EXOC2: variants seen among roughly 807,000 people sequenced by gnomAD.
EXOC2 encodes the protein exocyst complex component 2, also known as SEC5-like 1.
A neutral mutation model predicts 131.8 loss-of-function variants in EXOC2; 70 were observed. The ratio of observed to expected loss-of-function variants is 0.53; its 90% CI spans 0.44 to 0.65. The LOEUF is 0.65. Ranked by LOEUF, EXOC2 falls within the 30% of genes least tolerant of loss-of-function variation. The pLI is 0.00. For missense variants in EXOC2, 923 were observed against 1,108.6 expected (o/e 0.83, Z 2.38); for synonymous variants, 411 against 398.4 (o/e 1.03, Z -0.38).
intron 20 of EXOC2, among the ~76,000 whole-genome samples, chr6:554,185 GCGCC>G (rs1245680254): frequency 6.6e-6 from 1 of 152,024 alleles, no homozygotes. Context: ...GGGATTACAG[GCGCC>G]CGCCACCATG....
At chr6:620,908 G>T (rs1274443084) in intron 4 of EXOC2, among the ~76,000 whole-genome samples, 1 of 152,150 alleles carries the variant, frequency 6.6e-6, no homozygotes, top group East Asian at 1.9e-4. Context: ...TGTGCTCTCT[G>T]CCTGCCAGGT....
At chr6:493,871 A>C (rs1763573836) in intron 25 of EXOC2, among the ~76,000 whole-genome samples, 1 of 152,152 alleles carries the variant, frequency 6.6e-6, no homozygotes, top group South Asian at 2.1e-4. Context: ...ACGTGAAAAA[A>C]TTTTCCAGCT....
intron 1 of EXOC2, among the ~76,000 whole-genome samples, chr6:652,527 T>G (rs1402943975): frequency 6.6e-6 from 1 of 152,250 alleles, no homozygotes; most frequent in Non-Finnish European, 1.5e-5. Flanking sequence ...CTTATCTTAC[T>G]GCATAAGCCA....
chr6:662,538 C>T (rs1581652337), intron 1 of EXOC2, among the ~76,000 whole-genome samples: 2 of 152,292 alleles, frequency 1.3e-5, no homozygotes, highest in East Asian at 1.9e-4. Context: ...AATTAAATAA[C>T]CTGCTCCCAA....
Position 551,724 on chromosome 6 carries a change from C to T in EXOC2, c.2121+2130G>A, listed in dbSNP as rs149553163. 1.2e-4 allele frequency among the ~76,000 whole-genome samples: 19 copies of T among 152,354 alleles called. No homozygotes were observed. In the East Asian group the frequency reaches 3.7e-3, roughly 29 times the overall value. On this transcript the variant is annotated intron_variant, in intron 21 of 27. Transcript: ENST00000230449. ...GCAGCCCTGTCTCCACAGGACTCCC[C>T]TAGCCTGCCGCATTTCCATGCTCCA...
At chr6:653,033 T>C (rs1762902639) in intron 1 of EXOC2, among the ~76,000 whole-genome samples, 1 of 152,224 alleles carries the variant, frequency 6.6e-6, no homozygotes, top group African/African-American at 2.4e-5. Context: ...GATGATACTA[T>C]TGTAACTGTT....
intron 3 of EXOC2, among the ~76,000 whole-genome samples, chr6:632,265 G>A (rs1014246355): frequency 6.6e-6 from 1 of 152,182 alleles, no homozygotes; most frequent in Non-Finnish European, 1.5e-5. Flanking sequence ...TTTTGCTCAT[G>A]GATAAAGAAG....
chr6:611,052 C>A (rs747445184), intron 6 of EXOC2, among the ~76,000 whole-genome samples: 46 of 152,316 alleles, frequency 3.0e-4, no homozygotes, highest in Non-Finnish European at 5.9e-4. Flanking sequence ...AAAGCTGAAA[C>A]TGGGGTTCAA....
At chr6:550,219 C>A (rs1757072717) in intron 21 of EXOC2, among the ~76,000 whole-genome samples, 1 of 152,226 alleles carries the variant, frequency 6.6e-6, no homozygotes, top group African/African-American at 2.4e-5. Context: ...ACATACTCTG[C>A]ATGCTCTTTC....
intron 23 of EXOC2, among the ~76,000 whole-genome samples, chr6:510,424 C>G (rs757817414): frequency 1.3e-5 from 2 of 151,880 alleles, no homozygotes; most frequent in Admixed American, 1.3e-4. Flanking sequence ...TATTGATCAG[C>G]GTGATCAATC....
At chr6:660,487 G>C (rs985655581) in intron 1 of EXOC2, among the ~76,000 whole-genome samples, 1 of 152,192 alleles carries the variant, frequency 6.6e-6, no homozygotes, top group Non-Finnish European at 1.5e-5. Context: ...ACTCTGTGCA[G>C]GCAACCCCCA....
intron 27 of EXOC2, among the ~76,000 whole-genome samples, chr6:487,579 G>A (rs920518632): frequency 3.9e-5 from 6 of 152,000 alleles, no homozygotes; most frequent in Non-Finnish European, 2.9e-5. Flanking sequence ...GCTAATTTTT[G>A]TATTTTTAGT....
At chr6:538,186 A>C (rs1766580321) in intron 22 of EXOC2, among the ~76,000 whole-genome samples, 1 of 152,240 alleles carries the variant, frequency 6.6e-6, no homozygotes, top group African/African-American at 2.4e-5. Flanking sequence ...CAATGTCAGG[A>C]GTACACAGCT....
At chr6:602,965 AG>A (rs1466431696) in intron 7 of EXOC2, among the ~76,000 whole-genome samples, 1 of 152,218 alleles carries the variant, frequency 6.6e-6, no homozygotes, top group African/African-American at 2.4e-5. Flanking sequence ...CCAGTCATCT[AG>A]AAAACCTAGT....
At chr6:575,267 G>A (rs1327317151) in intron 12 of EXOC2, among the ~76,000 whole-genome samples, 2 of 152,198 alleles carry the variant, frequency 1.3e-5, no homozygotes, top group African/African-American at 4.8e-5. Context: ...TAGGATTAGA[G>A]ACGAGTTGTT....
At chr6:571,086 A>G (rs906562133) in intron 13 of EXOC2, among the ~76,000 whole-genome samples, 1 of 152,244 alleles carries the variant, frequency 6.6e-6, no homozygotes, top group South Asian at 2.1e-4. Context: ...TCACTTCCTA[A>G]GCCAGCAATA....
At chr6:683,631 G>A (rs1485950278) in intron 1 of EXOC2, among the ~76,000 whole-genome samples, 2 of 152,322 alleles carry the variant, frequency 1.3e-5, no homozygotes, top group Non-Finnish European at 1.5e-5. Context: ...ACAGGATGTC[G>A]CTAACTCCCA....
chr6:562,248 A>C (rs1429262520), intron 17 of EXOC2, among the ~76,000 whole-genome samples: 2 of 152,224 alleles, frequency 1.3e-5, no homozygotes, highest in Admixed American at 1.3e-4. Context: ...ACAGCCACCC[A>C]CAGGACCGCG....
intron 11 of EXOC2, among the ~76,000 whole-genome samples, chr6:588,247 G>A (rs1759326385): frequency 1.3e-5 from 2 of 152,148 alleles, no homozygotes; most frequent in African/African-American, 2.4e-5. Flanking sequence ...GAACAGTTAA[G>A]CATGTTCTGA....
Sources: allele counts gnomAD v4.1 joint callset (sites outside exome capture counted in the v4.1 genomes callset), GRCh38; gene constraint gnomAD v4.1.1; transcripts MANE v1.5; gene names NCBI Gene and HGNC (gene_info 2026-07-23, HGNC 2026-07-21).